The following NMNAT2 variants were observed in gnomAD, a reference collection of about 807,000 sequenced individuals.
NMNAT2 encodes the protein nicotinamide nucleotide adenylyltransferase 2, also known as nicotinamide/nicotinic acid mononucleotide adenylyltransferase 2.
Under a neutral mutation model 41.6 loss-of-function variants are expected in NMNAT2, and 11 were observed. The observed-to-expected ratio is 0.26, with a 90% CI of 0.17 to 0.44. The LOEUF is 0.44. Ranked by LOEUF, NMNAT2 falls within the 20% of genes least tolerant of loss-of-function variation. The probability of loss-of-function intolerance (pLI) is 1.00; values close to 1 mark genes in which losing one functional copy is unlikely to be tolerated. For missense variants in NMNAT2, 288 were observed against 407.7 expected (o/e 0.71, Z 2.53); for synonymous variants, 148 against 151.2 (o/e 0.98, Z 0.16).
intron 1 of NMNAT2, among the ~76,000 whole-genome samples, chr1:183,411,059 T>C (rs1290709485): frequency 1.3e-5 from 2 of 152,138 alleles, no homozygotes; most frequent in Non-Finnish European, 2.9e-5. Context: ...CAGCTTCAAC[T>C]TTCAAGCTCA....
At chr1:183,309,836 C>T (rs1013650553) in intron 1 of NMNAT2, among the ~76,000 whole-genome samples, 1 of 152,192 alleles carries the variant, frequency 6.6e-6, no homozygotes, top group Non-Finnish European at 1.5e-5. Flanking sequence ...GTGGGTTATT[C>T]AAGTGCTTCT....
chr1:183,309,894 G>T (rs602182), intron 1 of NMNAT2, among the ~76,000 whole-genome samples: 64,635 of 152,010 alleles, frequency 0.43, 13,740 homozygotes, highest in Middle Eastern at 0.46. Context: ...TTAGCTAAAG[G>T]TGCAGTGCCC....
chr1:183,374,903 C>T (rs1049365795), intron 1 of NMNAT2, among the ~76,000 whole-genome samples: 5 of 152,124 alleles, frequency 3.3e-5, no homozygotes, highest in Non-Finnish European at 4.4e-5. Context: ...GACTTTAGTC[C>T]CCTCCCTAGG....
At chr1:183,322,799 C>T (rs1474094176) in intron 1 of NMNAT2, among the ~76,000 whole-genome samples, 1 of 152,124 alleles carries the variant, frequency 6.6e-6, no homozygotes, top group African/African-American at 2.4e-5. Flanking sequence ...TTTAAAATAC[C>T]ATCTGTCTGC....
At chr1:183,388,398 A>G (rs569465317) in intron 1 of NMNAT2, among the ~76,000 whole-genome samples, 16 of 152,358 alleles carry the variant, frequency 1.1e-4, no homozygotes, top group African/African-American at 3.8e-4. Flanking sequence ...AGGGTCCTAA[A>G]GAAAAACACC....
In NMNAT2 at chr1:183,300,172, GGTGGGCGTATCAT is replaced by G. The variant is rs554322575; in HGVS notation, c.86-6392_86-6380del. Reference sequence around the variant, plus strand: ...TAATCCCAACACTTTGGGAGGCCGAGGTGGGCGTATCATGAGGTCAGGAGTTCGAGACCAGCCC... The same window carrying G: ...TAATCCCAACACTTTGGGAGGCCGAGGAGGTCAGGAGTTCGAGACCAGCCC... On this transcript the variant is annotated intron_variant, in intron 1 of 10. Coordinates refer to ENST00000287713, the MANE Select transcript of NMNAT2 (RefSeq NM_015039.4). Among the ~76,000 whole-genome samples, 569 of 152,254 alleles carry G rather than the reference GGTGGGCGTATCAT, an allele frequency of 3.7e-3. 3 individuals are homozygous for G. Among genetic ancestry groups the G allele is most frequent in the African/African-American group, 0.013 (540 of 41,544 alleles).
chr1:183,414,345 T>A (rs963309947), intron 1 of NMNAT2, among the ~76,000 whole-genome samples: 1 of 152,242 alleles, frequency 6.6e-6, no homozygotes, highest in Non-Finnish European at 1.5e-5. Context: ...CTGTTTTTGT[T>A]TATATAGCCA....
intron 8 of NMNAT2, among the ~76,000 whole-genome samples, chr1:183,273,423 T>C (rs1181365331): frequency 6.6e-6 from 1 of 152,246 alleles, no homozygotes; most frequent in African/African-American, 2.4e-5. Context: ...GAGAAAGGGA[T>C]GAATGAATGG....
At chr1:183,259,313 C>T (rs1660598790) in intron 10 of NMNAT2, among the ~76,000 whole-genome samples, 1 of 152,186 alleles carries the variant, frequency 6.6e-6, no homozygotes, top group Non-Finnish European at 1.5e-5. Flanking sequence ...TCTGCCCTCA[C>T]CTCACAGTGG....
rs1663033814 is a variant in NMNAT2 at position 183,350,980 on chromosome 1, T to C, written c.86-57187A>G. ...CTGTGTCAGCAAAATGGCAATAAAA[T>C]GTCGCCATGGAATCTTGTGCTAGGG... is the stretch of plus-strand genomic sequence containing the variant. On this transcript the variant is annotated intron_variant, in intron 1 of 10. Coordinates refer to ENST00000287713, the MANE Select transcript of NMNAT2 (RefSeq NM_015039.4). Among the ~76,000 whole-genome samples, 6 of 152,302 alleles carry C rather than the reference T, an allele frequency of 3.9e-5. No individual in the cohort carries two copies. The South Asian group carries it at 1.0e-3, about 26-fold the overall frequency.
At chr1:183,388,550 T>C (rs1648328583) in intron 1 of NMNAT2, among the ~76,000 whole-genome samples, 1 of 152,244 alleles carries the variant, frequency 6.6e-6, no homozygotes, top group Non-Finnish European at 1.5e-5. Context: ...ATATCTAGAA[T>C]TCGATGTTGC....
chr1:183,354,628 G>T (rs903182937), intron 1 of NMNAT2, among the ~76,000 whole-genome samples: 8 of 151,980 alleles, frequency 5.3e-5, no homozygotes, highest in Admixed American at 6.6e-5. Context: ...TGTTGCCCAG[G>T]CTGGTCTCGA....
intron 8 of NMNAT2, among the ~76,000 whole-genome samples, chr1:183,273,600 T>A (rs1485961063): frequency 1.3e-5 from 2 of 152,224 alleles, no homozygotes; most frequent in African/African-American, 4.8e-5. Flanking sequence ...TCCTGAAAGA[T>A]GTTCCTTTTC....
chr1:183,298,991 C>T (rs530296904), intron 1 of NMNAT2, among the ~76,000 whole-genome samples: 4 of 152,270 alleles, frequency 2.6e-5, no homozygotes, highest in African/African-American at 4.8e-5. Context: ...TAATCAAATA[C>T]GGGAAACAAC....
At chr1:183,380,191 T>C (rs988599802) in intron 1 of NMNAT2, among the ~76,000 whole-genome samples, 2 of 152,238 alleles carry the variant, frequency 1.3e-5, no homozygotes, top group African/African-American at 4.8e-5. Flanking sequence ...TTCTCTATTT[T>C]CTTTGGCAGC....
At chr1:183,315,388 C>T (rs527405068) in intron 1 of NMNAT2, among the ~76,000 whole-genome samples, 4 of 150,062 alleles carry the variant, frequency 2.7e-5, no homozygotes, top group African/African-American at 4.8e-5. Context: ...TCACGCATGT[C>T]GGTAACATGT....
intron 1 of NMNAT2, among the ~76,000 whole-genome samples, chr1:183,407,559 C>T (rs1030199240): frequency 6.6e-6 from 1 of 152,110 alleles, no homozygotes; most frequent in Non-Finnish European, 1.5e-5. Flanking sequence ...GTTCCTAGAA[C>T]ACTGTGCTGG....
chr1:183,295,375 G>A (rs10911298), intron 1 of NMNAT2, among the ~76,000 whole-genome samples: 83,668 of 151,914 alleles, frequency 0.55, 24,360 homozygotes, highest in Non-Finnish European at 0.64. Flanking sequence ...CACCGTTTTA[G>A]ATTTACAGAA....
At chr1:183,384,249 G>A (rs1010132751) in intron 1 of NMNAT2, among the ~76,000 whole-genome samples, 1 of 152,046 alleles carries the variant, frequency 6.6e-6, no homozygotes, top group African/African-American at 2.4e-5. Context: ...CACCCAGGAT[G>A]GAGAGCAGTG....
Sources: allele counts gnomAD v4.1 joint callset (sites outside exome capture counted in the v4.1 genomes callset), GRCh38; gene constraint gnomAD v4.1.1; transcripts MANE v1.5; gene names NCBI Gene and HGNC (gene_info 2026-07-23, HGNC 2026-07-21).